TMIGD3: variants seen among roughly 807,000 people sequenced by gnomAD.
The protein encoded by TMIGD3 is transmembrane and immunoglobulin domain containing 3, also known as AD026 protein (AD026).
Under a neutral mutation model 28.1 loss-of-function variants are expected in TMIGD3, and 21 were observed. The ratio of observed to expected loss-of-function variants is 0.75; its 90% CI spans 0.53 to 1.08. TMIGD3 has a LOEUF of 1.08. Among genes scored for constraint, TMIGD3 ranks in the 50% least tolerant of loss-of-function variants. The pLI is 0.00. For synonymous variants in TMIGD3, 151 were observed against 162.1 expected (o/e 0.93, Z 0.52); for missense variants, 416 against 435.6 (o/e 0.96, Z 0.40).
chr1:111,500,652 G>T, intron 1 of TMIGD3: 1 of 1,172,498 alleles, frequency 8.5e-7, no homozygotes, highest in Non-Finnish European at 1.2e-6. Context: ...GGTGAGATAA[G>T]GCATATACTC....
At chr1:111,555,665 G>A (rs1163212549) in intron 1 of TMIGD3, among the ~76,000 whole-genome samples, 2 of 152,044 alleles carry the variant, frequency 1.3e-5, no homozygotes, top group Non-Finnish European at 2.9e-5. Flanking sequence ...AATATTCAAA[G>A]AGATACTGTC....
intron 1 of TMIGD3, among the ~76,000 whole-genome samples, chr1:111,560,847 C>A (rs1657709943): frequency 6.6e-6 from 1 of 152,178 alleles, no homozygotes; most frequent in African/African-American, 2.4e-5. Context: ...CAGCCAATTT[C>A]TCTCCATCCT....
intron 1 of TMIGD3, among the ~76,000 whole-genome samples, chr1:111,549,356 A>G (rs540590114): frequency 6.8e-6 from 1 of 147,536 alleles, no homozygotes; most frequent in African/African-American, 2.5e-5. Flanking sequence ...CCCCCTTTTA[A>G]AACATGGTCG....
chr1:111,542,142 T>C, intron 1 of TMIGD3: 1 of 324,302 alleles, frequency 3.1e-6, no homozygotes, highest in South Asian at 2.7e-5. Context: ...CAAAGAACTA[T>C]CATGTTTTTA....
At chr1:111,533,074 G>A (rs917999221) in intron 1 of TMIGD3, among the ~76,000 whole-genome samples, 2 of 152,152 alleles carry the variant, frequency 1.3e-5, no homozygotes, top group Non-Finnish European at 2.9e-5. Context: ...TCTGGTCTCA[G>A]GATGGAGCCA....
At chr1:111,525,628 C>T (rs1377958788) in intron 1 of TMIGD3, among the ~76,000 whole-genome samples, 4 of 152,102 alleles carry the variant, frequency 2.6e-5, no homozygotes, top group East Asian at 1.9e-4. Context: ...TTTGGGAGGC[C>T]GAGGCAGATG....
At chr1:111,505,070 T>C (rs1268696733), upstream of TMIGD3, 1 of 976,130 alleles carries the variant, frequency 1.0e-6, no homozygotes, top group African/African-American at 1.8e-5. Flanking sequence ...TTTCTTTATC[T>C]GTGCTTCAGA....
intron 1 of TMIGD3, chr1:111,500,577 A>G (rs1213127177): frequency 4.1e-5 from 66 of 1,610,366 alleles, no homozygotes; most frequent in Non-Finnish European, 5.5e-5. Flanking sequence ...GAAGAGAGTC[A>G]GTGAGTCCAC....
chr1:111,509,887 G>A (rs899344106), intron 1 of TMIGD3, among the ~76,000 whole-genome samples: 1 of 152,238 alleles, frequency 6.6e-6, no homozygotes, highest in Non-Finnish European at 1.5e-5. Flanking sequence ...CTAAGGCTAG[G>A]AGAGAATTGA....
At chr1:111,537,489 C>G (rs549244121) in intron 1 of TMIGD3, among the ~76,000 whole-genome samples, 15 of 152,260 alleles carry the variant, frequency 9.9e-5, no homozygotes, top group African/African-American at 3.6e-4. Flanking sequence ...AATCATGACA[C>G]AAAAGATATG....
At chr1:111,508,338 T>C (rs1557828606), upstream of TMIGD3, among the ~76,000 whole-genome samples, 2 of 152,174 alleles carry the variant, frequency 1.3e-5, no homozygotes, top group Non-Finnish European at 2.9e-5. Flanking sequence ...TTCAAGTGTC[T>C]GAAAGAGTGA....
intron 1 of TMIGD3, among the ~76,000 whole-genome samples, chr1:111,520,963 C>T (rs537048778): frequency 1.1e-4 from 17 of 152,310 alleles, no homozygotes; most frequent in African/African-American, 1.9e-4. Flanking sequence ...TAAATATGGC[C>T]GTCGCTCCCA....
upstream of TMIGD3, among the ~76,000 whole-genome samples, chr1:111,507,611 AG>A (rs1286046830): frequency 6.6e-6 from 1 of 152,202 alleles, no homozygotes; most frequent in African/African-American, 2.4e-5. Context: ...CCCAGGGAAA[AG>A]GCCTCTGGAG....
chr1:111,532,561 A>G (rs1322375434), intron 1 of TMIGD3, among the ~76,000 whole-genome samples: 2 of 152,206 alleles, frequency 1.3e-5, no homozygotes, highest in East Asian at 1.9e-4. Context: ...AGGCTGAGAC[A>G]GGAGAATCGC....
At chr1:111,500,217 C>A in intron 1 of TMIGD3, 3 of 1,614,146 alleles carry the variant, frequency 1.9e-6, no homozygotes, top group Non-Finnish European at 2.5e-6. Flanking sequence ...GAAACAAGGA[C>A]TTAGCCGTCT....
chr1:111,485,870 G>A, intron 4 of TMIGD3, 30 bp from the exon 5 acceptor site: 1 of 1,554,832 alleles, frequency 6.4e-7, no homozygotes, highest in Non-Finnish European at 8.8e-7. Context: ...ATTTCATGTT[G>A]CTTGGAAGAA....
chr1:111,506,313 A>T (rs1655488051), upstream of TMIGD3, among the ~76,000 whole-genome samples: 1 of 152,228 alleles, frequency 6.6e-6, no homozygotes, highest in Admixed American at 6.5e-5. Flanking sequence ...GGTGGCATAA[A>T]CTAGGCATTG....
At chr1:111,499,841 G>A in intron 1 of TMIGD3, 1 of 1,530,286 alleles carries the variant, frequency 6.5e-7, no homozygotes, top group Admixed American at 2.1e-5. Context: ...CCACCTCAGT[G>A]GAAGTAATCA....
At chr1:111,489,794 T>A in intron 2 of TMIGD3, 1 of 985,482 alleles carries the variant, frequency 1.0e-6, no homozygotes, top group Non-Finnish European at 1.2e-6. Flanking sequence ...CTTTAGGGGA[T>A]AAGAACTTCA....
Sources: gnomAD v4.1 joint callset for allele counts (sites outside exome capture counted in the v4.1 genomes callset) on GRCh38, gnomAD v4.1.1 for gene constraint, MANE v1.5 for transcripts, NCBI Gene and HGNC (gene_info 2026-07-23, HGNC 2026-07-21) for gene names.